The following HS3ST3A1 variants were observed in gnomAD, a reference collection of about 807,000 sequenced individuals.
HS3ST3A1 encodes heparan sulfate glucosamine 3-O-sulfotransferase 3A1.
HS3ST3A1 carries 19 observed loss-of-function variants against 25.7 expected under a neutral mutation model. That is an observed-to-expected ratio of 0.74 (90% CI 0.52 to 1.08). The LOEUF (loss-of-function observed/expected upper bound fraction) is 1.08, where lower values mean the gene tolerates loss of function less well. Ranked by LOEUF, HS3ST3A1 falls within the 50% of genes least tolerant of loss-of-function variation. The probability of loss-of-function intolerance (pLI) is 0.00; values close to 1 mark genes in which losing one functional copy is unlikely to be tolerated. For missense variants in HS3ST3A1, 459 were observed against 594.3 expected (o/e 0.77, Z 2.37); for synonymous variants, 226 against 278.6 (o/e 0.81, Z 1.88).
chr17:13,537,807 G>T (rs73978675), intron 1 of HS3ST3A1, among the ~76,000 whole-genome samples: 1,808 of 152,240 alleles, frequency 0.012, 30 homozygotes, highest in African/African-American at 0.04. Flanking sequence ...GGCAGGTGGT[G>T]GCACTGGCAA....
At chr17:13,563,091 G>T (rs930284677) in intron 1 of HS3ST3A1, among the ~76,000 whole-genome samples, 1 of 151,076 alleles carries the variant, frequency 6.6e-6, no homozygotes. Flanking sequence ...CTTGTATGCT[G>T]CAAATGGGAA....
chr17:13,542,037 T>A (rs532809904), intron 1 of HS3ST3A1, among the ~76,000 whole-genome samples: 7 of 152,088 alleles, frequency 4.6e-5, no homozygotes, highest in Non-Finnish European at 8.8e-5. Context: ...TTATTAAAGT[T>A]AAATGAGGGG....
intron 1 of HS3ST3A1, among the ~76,000 whole-genome samples, chr17:13,578,798 G>T (rs1908021314): frequency 6.6e-6 from 1 of 152,080 alleles, no homozygotes; most frequent in Non-Finnish European, 1.5e-5. Flanking sequence ...GAATTACAGA[G>T]ATCATGTCAA....
chr17:13,599,631 A>T (rs1468208282), intron 1 of HS3ST3A1, among the ~76,000 whole-genome samples: 1 of 152,216 alleles, frequency 6.6e-6, no homozygotes, highest in African/African-American at 2.4e-5. Flanking sequence ...AATCCAGGCG[A>T]CACTAGCTTT....
At chr17:13,533,551 A>G (rs531082583) in intron 1 of HS3ST3A1, among the ~76,000 whole-genome samples, 1 of 117,732 alleles carries the variant, frequency 8.5e-6, no homozygotes, top group African/African-American at 3.1e-5. Flanking sequence ...TGTATCTGTC[A>G]TTTGAGATTG....
At chr17:13,593,012 G>T (rs1908470667) in intron 1 of HS3ST3A1, among the ~76,000 whole-genome samples, 1 of 152,108 alleles carries the variant, frequency 6.6e-6, no homozygotes, top group African/African-American at 2.4e-5. Flanking sequence ...TGCGTTAATT[G>T]TTCCAGGTCT....
chr17:13,541,543 C>G (rs938482715), intron 1 of HS3ST3A1, among the ~76,000 whole-genome samples: 1 of 152,172 alleles, frequency 6.6e-6, no homozygotes, highest in African/African-American at 2.4e-5. Context: ...AAAAAGAGCC[C>G]TAAGTCCAGT....
intron 1 of HS3ST3A1, among the ~76,000 whole-genome samples, chr17:13,593,938 C>A (rs190295033): frequency 1.3e-5 from 2 of 152,282 alleles, no homozygotes; most frequent in African/African-American, 4.8e-5. Context: ...AGGATCCGAC[C>A]AAGGGCACCC....
rs1908095360 is a variant in HS3ST3A1 at position 13,580,907 on chromosome 17, A to G, written c.599+19624T>C. On this transcript the variant is annotated intron_variant, in intron 1 of 1. Coordinates refer to ENST00000284110, the MANE Select transcript of HS3ST3A1 (RefSeq NM_006042.3). Reference sequence around the variant, plus strand: ...ACTCCATCTCAAAAACAAACAAAAAAAAGAACACACACAGTCAATTGAGGT... The same window carrying G: ...ACTCCATCTCAAAAACAAACAAAAAGAAGAACACACACAGTCAATTGAGGT... 2.6e-5 allele frequency among the ~76,000 whole-genome samples: 4 copies of G among 152,022 alleles called. No individual in the cohort carries two copies. In the South Asian group the frequency reaches 6.2e-4, roughly 24 times the overall value.
chr17:13,582,649 C>T (rs1258843821), intron 1 of HS3ST3A1, among the ~76,000 whole-genome samples: 3 of 152,176 alleles, frequency 2.0e-5, no homozygotes, highest in Admixed American at 1.3e-4. Flanking sequence ...TAATGCCCAA[C>T]GTATTTCTAA....
chr17:13,587,670 T>G (rs1227873262), intron 1 of HS3ST3A1, among the ~76,000 whole-genome samples: 1 of 152,078 alleles, frequency 6.6e-6, no homozygotes, highest in African/African-American at 2.4e-5. Context: ...CAGGGGATGA[T>G]TTATAAACTA....
chr17:13,501,803 T>C lies in HS3ST3A1; in HGVS notation c.600-4985A>G, dbSNP rs368728870. On this transcript the variant is annotated intron_variant, in intron 1 of 1. Coordinates refer to ENST00000284110, the MANE Select transcript of HS3ST3A1 (RefSeq NM_006042.3). ...TTCCCAACTTCAGGAGAACCCCACT[T>C]AGTTCAGCTAACAAAGGGTTCAGAG... Among the ~76,000 whole-genome samples the C allele has an allele frequency of 4.3e-4, 65 of 152,332 alleles. No homozygotes were observed. The South Asian group carries it at 0.013, about 30-fold the overall frequency.
intron 1 of HS3ST3A1, among the ~76,000 whole-genome samples, chr17:13,560,321 T>G (rs919869743): frequency 2.1e-4 from 6 of 28,730 alleles, no homozygotes; most frequent in South Asian, 1.4e-3. Context: ...AAAAAAAAAG[T>G]GTATTACCTA....
intron 1 of HS3ST3A1, among the ~76,000 whole-genome samples, chr17:13,594,407 GTGT>G (rs1908519710): frequency 6.6e-6 from 1 of 152,200 alleles, no homozygotes; most frequent in South Asian, 2.1e-4. Context: ...AAGCTGTCCC[GTGT>G]GTGGTGGACA....
intron 1 of HS3ST3A1, among the ~76,000 whole-genome samples, chr17:13,563,600 T>C (rs1157818229): frequency 1.3e-5 from 2 of 152,172 alleles, no homozygotes; most frequent in Admixed American, 1.3e-4. Context: ...CTAGAGCAGC[T>C]TCACAGAAAT....
intron 1 of HS3ST3A1, among the ~76,000 whole-genome samples, chr17:13,582,106 C>T (rs916175841): frequency 2.3e-4 from 35 of 151,294 alleles, no homozygotes; most frequent in African/African-American, 7.4e-4. Flanking sequence ...GGAAGTGTTC[C>T]TCCTCTTTTT....
intron 1 of HS3ST3A1, among the ~76,000 whole-genome samples, chr17:13,549,192 C>T (rs1258264717): frequency 3.3e-5 from 5 of 152,176 alleles, no homozygotes; most frequent in Non-Finnish European, 5.9e-5. Flanking sequence ...ACTCCGGACA[C>T]GCTGGCTTTA....
At chr17:13,514,315 T>C (rs1905983623) in intron 1 of HS3ST3A1, among the ~76,000 whole-genome samples, 1 of 152,152 alleles carries the variant, frequency 6.6e-6, no homozygotes, top group African/African-American at 2.4e-5. Context: ...TCCTTTATGA[T>C]GTTTCCTAAG....
rs752247998 is a variant in HS3ST3A1 at position 13,496,337 on chromosome 17, G to A, written c.1081C>T (p.Pro361Ser). 106 of 1,540,214 alleles carry A rather than the reference G, an allele frequency of 6.9e-5. No individual in the cohort carries two copies. The highest frequency in any genetic ancestry group is 9.1e-5 in the Non-Finnish European group (103 of 1,134,374). Residue 361 changes from proline to serine, a missense_variant, in exon 2 of 2, where the codon CCC becomes TCC. Coordinates refer to ENST00000284110, the MANE Select transcript of HS3ST3A1 (RefSeq NM_006042.3). ...CCCTTGGTCTTGCCCAGGCAATGGG[G>A]CCGGCTGCTGCCCTCCGCCTTCTTC... The part of the protein sequence containing the change: ...CLKKAEGSSR[P>S]HCLGKTKGRT...
Sources: allele counts gnomAD v4.1 joint callset (sites outside exome capture counted in the v4.1 genomes callset), GRCh38; gene constraint gnomAD v4.1.1; transcripts MANE v1.5; gene names NCBI Gene and HGNC (gene_info 2026-07-23, HGNC 2026-07-21).